Variants in HMCN1 observed in about 807,000 individuals in gnomAD.
The protein encoded by HMCN1 is hemicentin-1.
HMCN1 carries 321 observed loss-of-function variants against 625.9 expected under a neutral mutation model. That is an observed-to-expected ratio of 0.51 (90% CI 0.47 to 0.56). The LOEUF is 0.56. Among genes scored for constraint, HMCN1 ranks in the 20% least tolerant of loss-of-function variants. The pLI is 0.00. For synonymous variants in HMCN1, 2,425 were observed against 2,417.6 expected (o/e 1.00, Z -0.09); for missense variants, 6,588 against 6,887.3 (o/e 0.96, Z 1.54).
chr1:185,837,999 A>T (rs1661271167), intron 1 of HMCN1, among the ~76,000 whole-genome samples: 1 of 152,216 alleles, frequency 6.6e-6, no homozygotes, highest in African/African-American at 2.4e-5. Context: ...GAGAGCTGGC[A>T]TCTAGAAGAG....
At chr1:185,875,459 A>G (rs1663871155) in intron 4 of HMCN1, among the ~76,000 whole-genome samples, 3 of 152,076 alleles carry the variant, frequency 2.0e-5, no homozygotes, top group Admixed American at 1.3e-4. Context: ...CCCTGTCCAG[A>G]AGCAAAATCA....
chr1:186,106,782 G>A, intron 69 of HMCN1, 102 bp from the exon 70 acceptor site: 1 of 851,506 alleles, frequency 1.2e-6, no homozygotes, highest in South Asian at 1.3e-5. Context: ...TAATTATCTT[G>A]CTTTTGGTGT....
intron 50 of HMCN1, among the ~76,000 whole-genome samples, chr1:186,068,220 A>G (rs1482250280): frequency 6.6e-6 from 1 of 152,162 alleles, no homozygotes; most frequent in Non-Finnish European, 1.5e-5. Flanking sequence ...TACTTTTTAA[A>G]AGATCAGAAG....
rs1451104367 is a variant in HMCN1 at position 185,990,379 on chromosome 1, A to G, written c.3313A>G (p.Ser1105Gly). The G allele has an allele frequency of 1.2e-6, 2 of 1,613,874 alleles. No homozygotes were observed. The highest frequency in any genetic ancestry group is 2.2e-5 in the South Asian group (2 of 91,076). ...EEVTLPCEVK[S>G]LPPPIITWAK... ...GGTAACACTTCCATGTGAAGTGAAG[A>G]GCTTACCTCCACCCATAATTACTTG... Residue 1105 changes from serine to glycine, a missense_variant, in exon 22 of 107, where the codon AGC becomes GGC. Ser to Gly is a moderately conservative substitution (Grantham distance 56, BLOSUM62 0). Around this residue, in one of 3 missense-constraint regions of HMCN1, gnomAD observed 4,628 missense variants for 4,853.1 expected, o/e 0.95. Coordinates refer to ENST00000271588, the MANE Select transcript of HMCN1 (RefSeq NM_031935.3).
rs1301195008 is a variant in HMCN1, at chr1:185,977,830, A to G, written c.2415A>G (p.Glu805=). ...AAGAACCTGCTGATGTGTCTATGGA[A>G]ATTGGCTCAAATGTGACATTACCTT... The part of the protein sequence containing the change: ...FIQEPADVSM[E]IGSNVTLPCY... Residue 805 remains glutamate (E), a synonymous_variant, in exon 16 of 107, where the codon GAA becomes GAG. Coordinates refer to ENST00000271588, the MANE Select transcript of HMCN1 (RefSeq NM_031935.3). 6.2e-7 allele frequency: 1 copy of G among 1,613,316 alleles called. No homozygotes were observed. Among genetic ancestry groups the G allele is most frequent in the Non-Finnish European group, 8.5e-7 (1 of 1,179,470 alleles).
At chr1:185,750,043 A>G (rs1012443734) in intron 1 of HMCN1, among the ~76,000 whole-genome samples, 55 of 152,158 alleles carry the variant, frequency 3.6e-4, no homozygotes, top group Non-Finnish European at 1.3e-4. Context: ...CTGTCTCATT[A>G]ACCTGCTTTA....
chr1:186,166,380 A>G (rs1276674571), intron 99 of HMCN1, 77 bp downstream of exon 99: 4 of 1,559,242 alleles, frequency 2.6e-6, no homozygotes, highest in South Asian at 1.1e-5. Flanking sequence ...TGATAGACCC[A>G]TTATCTTCTT....
chr1:185,941,264 T>A (rs563663029), intron 11 of HMCN1, among the ~76,000 whole-genome samples: 1 of 152,356 alleles, frequency 6.6e-6, no homozygotes, highest in African/African-American at 2.4e-5. Flanking sequence ...TCAGAATGGA[T>A]TACTTATAAC....
chr1:186,159,132 G>C (rs1225313040), intron 97 of HMCN1, among the ~76,000 whole-genome samples: 10 of 151,192 alleles, frequency 6.6e-5, no homozygotes, highest in Non-Finnish European at 1.2e-4. Context: ...AGTTCTCCTT[G>C]AAGAGGTCCT....
At chr1:185,917,499 T>G (rs1338813402) in intron 6 of HMCN1, among the ~76,000 whole-genome samples, 2 of 152,182 alleles carry the variant, frequency 1.3e-5, no homozygotes, top group Non-Finnish European at 2.9e-5. Context: ...TTTTAAGAGA[T>G]AACGTGTGAA....
At chr1:185,956,837 T>C (rs1649665573) in intron 11 of HMCN1, among the ~76,000 whole-genome samples, 2 of 152,210 alleles carry the variant, frequency 1.3e-5, no homozygotes. Context: ...CTTATTAGCA[T>C]GCAAAAGAAA....
At chr1:186,033,499 A>G (rs1655613918) in intron 36 of HMCN1, among the ~76,000 whole-genome samples, 1 of 152,166 alleles carries the variant, frequency 6.6e-6, no homozygotes, top group Non-Finnish European at 1.5e-5. Context: ...GTATAGTTTA[A>G]TATCTCTAAA....
At chr1:186,032,315 G>A (rs929227062) in intron 36 of HMCN1, among the ~76,000 whole-genome samples, 24 of 152,002 alleles carry the variant, frequency 1.6e-4, no homozygotes, top group East Asian at 5.8e-4. Flanking sequence ...AAAAAAACTC[G>A]ACATCATTCA....
intron 11 of HMCN1, among the ~76,000 whole-genome samples, chr1:185,940,440 C>T (rs1668023869): frequency 6.6e-6 from 1 of 152,088 alleles, no homozygotes; most frequent in African/African-American, 2.4e-5. Flanking sequence ...TAGAGATGGA[C>T]CTATTTTAAC....
chr1:185,798,648 G>A (rs6677183), intron 1 of HMCN1, among the ~76,000 whole-genome samples: 13,841 of 151,562 alleles, frequency 0.091, 2,033 homozygotes, highest in African/African-American at 0.31. Context: ...TCTTTCTTCT[G>A]CTTGTTCTAG....
intron 105 of HMCN1, 110 bp from the exon 106 acceptor site, chr1:186,187,773 G>A: frequency 2.1e-6 from 3 of 1,401,626 alleles, no homozygotes; most frequent in Non-Finnish European, 3.0e-6. Flanking sequence ...TTCATTCATG[G>A]CAGGAGAAGG....
At chr1:185,773,803 G>A (rs930633230) in intron 1 of HMCN1, among the ~76,000 whole-genome samples, 2 of 152,116 alleles carry the variant, frequency 1.3e-5, no homozygotes, top group Admixed American at 6.6e-5. Context: ...TAGCAAAAAG[G>A]TTATGATTAG....
chr1:185,990,097 C>T (rs1442849161), intron 21 of HMCN1, among the ~76,000 whole-genome samples, 178 bp from the exon 22 acceptor site: 1 of 152,046 alleles, frequency 6.6e-6, no homozygotes, highest in Middle Eastern at 3.2e-3. Context: ...GAAAGTTTTT[C>T]GTCATTTCTC....
chr1:186,125,641 G>C lies in HMCN1; in HGVS notation c.12537G>C (p.Thr4179=). The C allele has an allele frequency of 3.7e-6, 6 of 1,613,158 alleles. No individual in the cohort carries two copies. Among genetic ancestry groups the C allele is most frequent in the Non-Finnish European group, 5.1e-6 (6 of 1,179,408 alleles). ...PRIRSTEGHY[T]VNENSQAILP... is the part of the protein sequence containing the mutation. ...TCAGAAGTACAGAAGGACACTACAC[G>C]GTCAATGAGAATTCACAAGCCATTC... is the stretch of plus-strand genomic sequence containing the variant. Residue 4179 remains threonine (T), a synonymous_variant, in exon 82 of 107, where the codon ACG becomes ACC. Transcript: ENST00000271588.
Sources: gnomAD v4.1 joint callset for allele counts (sites outside exome capture counted in the v4.1 genomes callset) on GRCh38, gnomAD v4.1.1 for gene constraint, gnomAD v4.1.1 regional missense constraint, MANE v1.5 for transcripts, NCBI Gene and HGNC (gene_info 2026-07-23, HGNC 2026-07-21) for gene names.